The following WEE1 variants were observed in gnomAD, a reference collection of about 807,000 sequenced individuals.
WEE1 encodes WEE1 G2 checkpoint kinase, also known as wee1-like protein kinase.
In WEE1, 16 loss-of-function variants were observed where a neutral mutation model predicts 68.8. The ratio of observed to expected loss-of-function variants is 0.23; its 90% CI spans 0.16 to 0.35. The LOEUF (loss-of-function observed/expected upper bound fraction) is 0.35. Among genes scored for constraint, WEE1 ranks in the 10% least tolerant of loss-of-function variants. WEE1 has a pLI of 1.00. For synonymous variants in WEE1, 349 were observed against 318.7 expected, an observed-to-expected ratio of 1.09 and a Z score of -1.01; for missense variants, 651 against 824.1, an observed-to-expected ratio of 0.79 and a Z score of 2.57.
chr11:9,586,406 G>C, intron 8 of WEE1, 43 bp from the exon 9 acceptor site: 1 of 1,546,028 alleles, frequency 6.5e-7, no homozygotes, highest in Non-Finnish European at 8.8e-7. Flanking sequence ...GTTTTATTTT[G>C]ACCATGTTTA....
chr11:9,576,386 T>C lies in WEE1; in HGVS notation c.846+93T>C. 3 of 1,546,680 alleles carry C rather than the reference T, an allele frequency of 1.9e-6. No homozygotes were observed. Among genetic ancestry groups the C allele is most frequent in the Non-Finnish European group, 2.6e-6 (3 of 1,144,300 alleles). On this transcript the variant is annotated intron_variant, in intron 3 of 10. Transcript: ENST00000450114. This position sits in a 1 kb window ranked among gnomAD's most constrained non-coding sequence, Gnocchi z 4.3. ...TGTTAATAAGCATTAACACATAAGGTAGAATGGTTTTTAAATTTCACACAT... is the reference window on the plus strand; with the variant it reads ...TGTTAATAAGCATTAACACATAAGGCAGAATGGTTTTTAAATTTCACACAT...
intron 5 of WEE1, chr11:9,577,469 A>G: frequency 1.8e-6 from 1 of 543,166 alleles, no homozygotes; most frequent in East Asian, 3.4e-5. Flanking sequence ...AGAACTTCGC[A>G]TACTATTTAT....
chr11:9,586,363 T>A, intron 8 of WEE1, 86 bp from the exon 9 acceptor site: 1 of 1,288,250 alleles, frequency 7.8e-7, no homozygotes. Flanking sequence ...TAAGTCCTAT[T>A]TTTCACCTAA....
intron 5 of WEE1, chr11:9,578,142 C>CT: frequency 3.6e-6 from 1 of 277,812 alleles, no homozygotes. Context: ...TGAAAAATAT[C>CT]TGTAGTTTGT....
At chr11:9,581,353 A>T (rs1349977641) in intron 5 of WEE1, 179 bp from the exon 6 acceptor site, 3 of 559,720 alleles carry the variant, frequency 5.4e-6, no homozygotes, top group African/African-American at 1.9e-5. Flanking sequence ...ACCCATGCAA[A>T]TGTATTACCT....
chr11:9,574,232 C>G lies in WEE1; in HGVS notation c.299C>G (p.Pro100Arg), dbSNP rs1171472258. The stretch of plus-strand genomic sequence containing the variant: ...GACCTGTTGCTGCCCGGCGCCTGCC[C>G]GGGCGCGGACGAGGCGGGCGGTGGG... Reference protein sequence around the residue: ...EEDLLLPGACPGADEAGGGAE... With the variant: ...EEDLLLPGACRGADEAGGGAE... Residue 100 changes from proline to arginine, a missense_variant, in exon 1 of 11, where the codon CCG becomes CGG. This residue lies in a region of WEE1 where 395 missense variants were observed against 378.4 expected (regional missense o/e 1.04). Coordinates refer to ENST00000450114, the MANE Select transcript of WEE1 (RefSeq NM_003390.4). This position sits in a 1 kb window ranked among gnomAD's most constrained non-coding sequence, Gnocchi z 4.9. The G allele has an allele frequency of 1.9e-5, 23 of 1,192,674 alleles. No homozygotes were observed. Among genetic ancestry groups the G allele is most frequent in the South Asian group, 4.0e-5 (1 of 25,168 alleles). The allele number at this position is 1,192,674 out of a possible 1,614,324, so 73.9% of individuals were successfully genotyped here.
rs1849546499 is a variant in WEE1, at chr11:9,574,835, A to G, written c.576+326A>G. On this transcript the variant is annotated intron_variant, in intron 1 of 10. Transcript: ENST00000450114. The surrounding 1 kb of genome is among the most constrained non-coding windows in gnomAD (Gnocchi z 4.9). ...TGCGGCACCGATAACGCGGTTCGCG[A>G]GGATGCTGGAGGGTGCCGGCCCGGC... The G allele has an allele frequency of 5.0e-6, 5 of 992,042 alleles. No individual in the cohort carries two copies. Among genetic ancestry groups the G allele is most frequent in the Non-Finnish European group, 6.0e-6 (5 of 834,492 alleles). 61.5% of individuals were successfully genotyped at this position (992,042 alleles called of 1,614,324 possible). A position where few individuals can be genotyped will look rare whatever the true frequency, so the allele number is the denominator to read the frequency against.
At chr11:9,588,293 T>C (rs1217966714) in intron 10 of WEE1, among the ~76,000 whole-genome samples, 156 bp from the exon 11 acceptor site, 1 of 152,234 alleles carries the variant, frequency 6.6e-6, no homozygotes, top group Non-Finnish European at 1.5e-5. Flanking sequence ...TAAATTTAAG[T>C]TGTTTTAATA....
chr11:9,584,448 T>G (rs560904383), intron 6 of WEE1, among the ~76,000 whole-genome samples: 1 of 152,270 alleles, frequency 6.6e-6, no homozygotes, highest in Non-Finnish European at 1.5e-5. Flanking sequence ...ACCTGGCCAA[T>G]ACTATACTGA....
At chr11:9,575,295 G>T in intron 1 of WEE1, 1 of 987,150 alleles carries the variant, frequency 1.0e-6, no homozygotes, top group Non-Finnish European at 1.2e-6. Flanking sequence ...TTTTAAAACT[G>T]CAGATTTTAA....
At position 9,574,007 on chromosome 11, in the gene WEE1, T is replaced by C; in HGVS notation, c.74T>C (p.Leu25Pro). The C allele has an allele frequency of 7.8e-7, 1 of 1,287,444 alleles. No homozygotes were observed. The highest frequency in any genetic ancestry group is 9.8e-7 in the Non-Finnish European group (1 of 1,016,664). The allele number at this position is 1,287,444 out of a possible 1,614,324, so 79.8% of individuals were successfully genotyped here. ...GCGGCCTGCACCTTGCGGCAGAAGC[T>C]GATCTTCTCGCCCTGCAGCGACTGT... The part of the protein sequence containing the change: ...AGAACTLRQK[L>P]IFSPCSDCEE... Residue 25 changes from leucine to proline, a missense_variant, in exon 1 of 11, where the codon CTG (leucine) becomes CCG (proline). Physicochemically the swap from Leu to Pro is moderately conservative, Grantham distance 98 (BLOSUM62 -3). This residue lies in a region of WEE1 where 395 missense variants were observed against 378.4 expected (regional missense o/e 1.04). Coordinates refer to ENST00000450114, the MANE Select transcript of WEE1 (RefSeq NM_003390.4). This position sits in a 1 kb window ranked among gnomAD's most constrained non-coding sequence, Gnocchi z 4.9.
chr11:9,577,056 T>G, intron 4 of WEE1, 86 bp from the exon 5 acceptor site: 1 of 1,454,762 alleles, frequency 6.9e-7, no homozygotes. Context: ...ACCAAAAATT[T>G]ATTGTATGAA....
intron 5 of WEE1, chr11:9,580,848 A>C (rs754771466): frequency 5.3e-5 from 8 of 152,230 alleles, no homozygotes; most frequent in Non-Finnish European, 1.0e-4. Context: ...GTGATCTTTA[A>C]GATAATGAAC....
chr11:9,586,968 G>T (rs1304561501), intron 10 of WEE1, 112 bp downstream of exon 10: 1 of 1,245,326 alleles, frequency 8.0e-7, no homozygotes. Flanking sequence ...GGTTTTTTGT[G>T]TTTTTTGTTT....
chr11:9,584,286 C>T (rs866060157), intron 6 of WEE1, among the ~76,000 whole-genome samples: 5 of 152,084 alleles, frequency 3.3e-5, no homozygotes, highest in Non-Finnish European at 7.4e-5. Context: ...CAGGCATGCA[C>T]CACCATTCCC....
Position 9,576,474 on chromosome 11 carries a change from C to T in WEE1, c.847-13C>T, listed in dbSNP as rs1446710995. ...TATTTGTATTACATATATGGAAACACTTTTTATTACAGAGAATTACAATTA... is the reference window on the plus strand; with the variant it reads ...TATTTGTATTACATATATGGAAACATTTTTTATTACAGAGAATTACAATTA... On this transcript the variant is annotated splice_polypyrimidine_tract_variant and intron_variant, in intron 3 of 10. Transcript: ENST00000450114. The surrounding 1 kb of genome is among the most constrained non-coding windows in gnomAD (Gnocchi z 4.3). The T allele has an allele frequency of 8.1e-6, 13 of 1,606,548 alleles. 1 individual carries two copies. In the South Asian group the frequency reaches 1.5e-4, roughly 18 times the overall value.
rs1849560331 is a variant in WEE1, at chr11:9,575,938, G to A, written c.627G>A (p.Arg209=). The A allele has an allele frequency of 1.2e-6, 2 of 1,613,994 alleles. No homozygotes were observed. The highest frequency in any genetic ancestry group is 2.7e-5 in the African/African-American group (2 of 74,910). The change falls in exon 2 of 11, where the codon CGG becomes CGA. Residue 209 remains arginine, a synonymous_variant. Coordinates refer to ENST00000450114, the MANE Select transcript of WEE1 (RefSeq NM_003390.4). ...RGIDSSSVKL[R]GSSLFMDTEK... is the part of the protein sequence containing the mutation. ...TTGATTCCAGCTCTGTTAAACTCCG[G>A]GGTAGTTCTCTCTTCATGGATACAG... is the stretch of plus-strand genomic sequence containing the variant.
chr11:9,585,092 T>C (rs7113837), intron 6 of WEE1, 166 bp from the exon 7 acceptor site: 101,989 of 608,972 alleles, frequency 0.17, 9,671 homozygotes, highest in East Asian at 0.28. Flanking sequence ...TCCCAGCAAC[T>C]ATAACCCTGG....
Position 9,585,451 on chromosome 11 carries a change from G to C in WEE1, c.1394G>C (p.Gly465Ala). The change falls in exon 8 of 11, where the codon GGG (glycine) becomes GCG (alanine). Residue 465 changes from glycine to alanine, a missense_variant. By Grantham distance (60) the Gly-to-Ala change is moderately conservative (BLOSUM62 0). Around this residue, in one of 5 missense-constraint regions of WEE1, gnomAD observed 82 missense variants for 123.2 expected, o/e 0.67. Coordinates refer to ENST00000450114, the MANE Select transcript of WEE1 (RefSeq NM_003390.4). ...NKVMFKIGDL[G>A]HVTRISSPQV... ...TTTTCAATACTTCTAGGTGATCTTG[G>C]GCATGTAACAAGGATCTCCAGTCCA... 1 of 1,606,634 alleles carries C rather than the reference G, an allele frequency of 6.2e-7. No homozygotes were observed. Among genetic ancestry groups the C allele is most frequent in the East Asian group, 2.2e-5 (1 of 44,796 alleles).
Sources: gnomAD v4.1 joint callset for allele counts (sites outside exome capture counted in the v4.1 genomes callset) on GRCh38, gnomAD v4.1.1 for gene constraint, gnomAD v4.1.1 regional missense constraint, Gnocchi (gnomAD v3.1) non-coding constraint, MANE v1.5 for transcripts, NCBI Gene and HGNC (gene_info 2026-07-23, HGNC 2026-07-21) for gene names.